PASD1: variants seen among roughly 807,000 people sequenced by gnomAD.
The protein encoded by PASD1 is PAS domain containing repressor 1, also known as circadian clock protein PASD1.
PASD1 carries 13 observed loss-of-function variants against 58.8 expected under a neutral mutation model. That is an observed-to-expected ratio of 0.22 (90% CI 0.14 to 0.35). PASD1 has a LOEUF of 0.35. Among genes scored for constraint, PASD1 ranks in the 10% least tolerant of loss-of-function variants. The probability of loss-of-function intolerance (pLI) is 1.00; values close to 1 mark genes in which losing one functional copy is unlikely to be tolerated. For synonymous variants in PASD1, 236 were observed against 216.7 expected (o/e 1.09, Z -0.78); for missense variants, 734 against 568.3 (o/e 1.29, Z -2.96).
chrX:151,595,080 G>A (rs2013301679), intron 1 of PASD1, among the ~76,000 whole-genome samples: 1 of 111,673 alleles, frequency 9.0e-6, no homozygotes, highest in African/African-American at 3.3e-5. Context: ...GTTTAAAATT[G>A]GTTTTCAGCA....
chrX:151,644,724 CTT>C (rs150221546), intron 8 of PASD1, among the ~76,000 whole-genome samples: 4 of 101,166 alleles, frequency 4.0e-5, no homozygotes, highest in African/African-American at 1.4e-4. Flanking sequence ...CGTAATTTTT[CTT>C]TTTTTTTTTT....
At chrX:151,663,473 T>C (rs2124310517) in intron 10 of PASD1, among the ~76,000 whole-genome samples, 1 of 112,545 alleles carries the variant, frequency 8.9e-6, no homozygotes, top group South Asian at 3.7e-4. Context: ...CTGGATTGTT[T>C]CCAAGTGTTT....
intron 1 of PASD1, among the ~76,000 whole-genome samples, chrX:151,588,929 C>T (rs188060781): frequency 8.9e-6 from 1 of 111,960 alleles, no homozygotes; most frequent in East Asian, 2.8e-4. Context: ...AAGATTCATT[C>T]CAGCCACTTG....
At chrX:151,575,639 T>A (rs964787189) in intron 1 of PASD1, among the ~76,000 whole-genome samples, 6 of 110,340 alleles carry the variant, frequency 5.4e-5, no homozygotes, top group East Asian at 2.8e-4. Flanking sequence ...ATCTAAGTAA[T>A]GAGCTGGAAT....
At chrX:151,653,730 C>T (rs989646289) in intron 9 of PASD1, among the ~76,000 whole-genome samples, 1 of 91,416 alleles carries the variant, frequency 1.1e-5, no homozygotes, top group Non-Finnish European at 2.3e-5. Context: ...CCTTCCTTCT[C>T]TCTCTCTCTT....
intron 4 of PASD1, among the ~76,000 whole-genome samples, 179 bp from the exon 5 acceptor site, chrX:151,620,751 A>G (rs2013695584): frequency 9.0e-6 from 1 of 110,652 alleles, no homozygotes; most frequent in Non-Finnish European, 1.9e-5. Context: ...GGATAATGGG[A>G]ATTGTATTTT....
At chrX:151,596,261 G>A (rs908322614) in intron 1 of PASD1, among the ~76,000 whole-genome samples, 4 of 112,100 alleles carry the variant, frequency 3.6e-5, no homozygotes, top group African/African-American at 9.7e-5. Context: ...GGGATTTTGC[G>A]CTACATCACA....
chrX:151,611,047 T>C (rs1359455239), intron 3 of PASD1, among the ~76,000 whole-genome samples: 1 of 111,873 alleles, frequency 8.9e-6, no homozygotes, highest in Non-Finnish European at 1.9e-5. Flanking sequence ...TGTTGGAAGA[T>C]AGTCTCAAGG....
At chrX:151,671,244 T>C (rs377031148) in intron 12 of PASD1, 48 bp downstream of exon 12, 2 of 1,179,477 alleles carry the variant, frequency 1.7e-6, no homozygotes, top group Non-Finnish European at 2.3e-6. Context: ...TCTATATTAG[T>C]AGCAGAAGGA....
chrX:151,665,884 G>A (rs999480749), intron 11 of PASD1, among the ~76,000 whole-genome samples: 5 of 103,266 alleles, frequency 4.8e-5, no homozygotes, highest in East Asian at 2.9e-4. Flanking sequence ...GTACACGCGC[G>A]TGCATGTGTG....
chrX:151,674,554 A>G (rs1048885385), intron 15 of PASD1, among the ~76,000 whole-genome samples: 1 of 112,557 alleles, frequency 8.9e-6, no homozygotes, highest in Non-Finnish European at 1.9e-5. Context: ...TCTAAGACCT[A>G]GTGTAGGTAT....
chrX:151,672,669 A>G lies in PASD1; in HGVS notation c.1916+8A>G, dbSNP rs778057760. 1.7e-6 allele frequency: 2 copies of G among 1,207,276 alleles called. No homozygotes were observed. Among genetic ancestry groups the G allele is most frequent in the Non-Finnish European group, 1.1e-6 (1 of 893,692 alleles). ...GGAAGATGAGAGTCAAAGGTAAGAC[A>G]TGCATGGAATGGTGATAGTGGCTAT... On this transcript the variant is annotated splice_region_variant and intron_variant, in intron 14 of 15. Coordinates refer to ENST00000370357, the MANE Select transcript of PASD1 (RefSeq NM_173493.3).
At chrX:151,605,701 C>T (rs2013479477) in intron 3 of PASD1, among the ~76,000 whole-genome samples, 1 of 110,801 alleles carries the variant, frequency 9.0e-6, no homozygotes, top group Non-Finnish European at 1.9e-5. Flanking sequence ...TGGGCCCAAG[C>T]AATTCCCCCA....
At chrX:151,643,116 G>C (rs193042175) in intron 8 of PASD1, among the ~76,000 whole-genome samples, 84 of 112,120 alleles carry the variant, frequency 7.5e-4, no homozygotes, top group African/African-American at 2.4e-3. Context: ...ACAGGTTTTT[G>C]GTAAATCAGT....
intron 1 of PASD1, among the ~76,000 whole-genome samples, chrX:151,565,854 A>G (rs764830343): frequency 3.6e-5 from 4 of 112,117 alleles, no homozygotes; most frequent in South Asian, 3.7e-4. Context: ...CACCGCGCCC[A>G]GCCAGAAGTG....
chrX:151,643,556 A>G (rs2014022308), intron 8 of PASD1, among the ~76,000 whole-genome samples: 1 of 111,996 alleles, frequency 8.9e-6, no homozygotes, highest in African/African-American at 3.2e-5. Context: ...CCATAAATAT[A>G]TACACCTACT....
At chrX:151,625,383 A>G in intron 7 of PASD1, 65 bp from the exon 8 acceptor site, 1 of 835,239 alleles carries the variant, frequency 1.2e-6, no homozygotes. Flanking sequence ...CAAAATTAAT[A>G]TATGCTGTGC....
chrX:151,663,752 T>C (rs2124310777), intron 10 of PASD1, among the ~76,000 whole-genome samples: 1 of 112,349 alleles, frequency 8.9e-6, no homozygotes, highest in African/African-American at 3.2e-5. Flanking sequence ...AGGTCCCACA[T>C]TCTGGGCAAC....
At chrX:151,608,329 C>T (rs1225330389) in intron 3 of PASD1, among the ~76,000 whole-genome samples, 1 of 111,738 alleles carries the variant, frequency 8.9e-6, no homozygotes, top group Non-Finnish European at 1.9e-5. Context: ...ACTTGTGTTT[C>T]CTCTTCTATG....
Sources: allele counts gnomAD v4.1 joint callset (sites outside exome capture counted in the v4.1 genomes callset), GRCh38; gene constraint gnomAD v4.1.1; transcripts MANE v1.5; gene names NCBI Gene and HGNC (gene_info 2026-07-23, HGNC 2026-07-21).